The following RASGRF2 variants were observed in gnomAD, a reference collection of about 807,000 sequenced individuals.
The protein encoded by RASGRF2 is ras-specific guanine nucleotide-releasing factor 2.
RASGRF2 carries 76 observed loss-of-function variants against 151.0 expected under a neutral mutation model. The observed-to-expected ratio is 0.50, with a 90% confidence interval of 0.42 to 0.61. RASGRF2 has a LOEUF of 0.61. Among genes scored for constraint, RASGRF2 ranks in the 20% least tolerant of loss-of-function variants. RASGRF2 has a pLI of 0.00. For synonymous variants in RASGRF2, 504 were observed against 566.5 expected, an observed-to-expected ratio of 0.89 and a Z score of 1.57; for missense variants, 1,148 against 1,564.6, an observed-to-expected ratio of 0.73 and a Z score of 4.49.
intron 2 of RASGRF2, among the ~76,000 whole-genome samples, chr5:81,058,775 C>CAAAAAAAAAAAAAAAAAAAAAAAAAAA (rs56875865): frequency 1.4e-5 from 1 of 70,116 alleles, no homozygotes; most frequent in Non-Finnish European, 2.5e-5. Context: ...GGCCCTGTAT[C>CAAAAAAAAAAAAAAAAAAAAAAAAAAA]AAAAAAAAAA....
At chr5:81,114,656 G>C (rs770099966) in intron 15 of RASGRF2, among the ~76,000 whole-genome samples, 1 of 152,118 alleles carries the variant, frequency 6.6e-6, no homozygotes. Flanking sequence ...CTCCTGCCAC[G>C]CTCCCTCATC....
chr5:81,221,116 T>G (rs977543952), intron 26 of RASGRF2, among the ~76,000 whole-genome samples: 2 of 152,204 alleles, frequency 1.3e-5, no homozygotes, highest in African/African-American at 4.8e-5. Flanking sequence ...CAACCTAATT[T>G]CTGACTGTTG....
intron 17 of RASGRF2, among the ~76,000 whole-genome samples, chr5:81,131,633 G>A (rs1753621983): frequency 6.6e-6 from 1 of 151,520 alleles, no homozygotes; most frequent in South Asian, 2.1e-4. Context: ...AGGATTACAG[G>A]TGTGAGCCAC....
intron 15 of RASGRF2, among the ~76,000 whole-genome samples, chr5:81,119,793 T>G (rs1207627752): frequency 6.6e-6 from 1 of 152,248 alleles, no homozygotes; most frequent in Admixed American, 6.5e-5. Context: ...AGAATTAAGT[T>G]GAAGGCTTCA....
rs1216574818 is a variant in RASGRF2 at position 81,182,120 on chromosome 5, G to A, written c.2793+1839G>A. Among the ~76,000 whole-genome samples, 9 of 152,130 alleles carry A rather than the reference G, an allele frequency of 5.9e-5. No homozygotes were observed. In the East Asian group the frequency reaches 1.7e-3, roughly 29 times the overall value. ...AGTGACTGCAGCTGTGCTTATACATGAGCAAGCTTGTCCATCTCCAATTCC... is the reference window on the plus strand; with the variant it reads ...AGTGACTGCAGCTGTGCTTATACATAAGCAAGCTTGTCCATCTCCAATTCC... On this transcript the variant is annotated intron_variant, in intron 18 of 26. Transcript: ENST00000265080.
intron 1 of RASGRF2, among the ~76,000 whole-genome samples, chr5:81,005,424 T>G (rs564366893): frequency 7.2e-5 from 11 of 152,276 alleles, no homozygotes; most frequent in African/African-American, 2.4e-4. Context: ...ATGGCTCCCA[T>G]GATTCCATTA....
intron 2 of RASGRF2, among the ~76,000 whole-genome samples, chr5:81,058,684 T>C (rs139253534): frequency 1.0e-3 from 152 of 148,092 alleles, no homozygotes; most frequent in African/African-American, 3.5e-3. Flanking sequence ...GCACCTGTAG[T>C]CCCAGCTACT....
At chr5:80,994,533 AT>A (rs916574075) in intron 1 of RASGRF2, among the ~76,000 whole-genome samples, 6 of 152,206 alleles carry the variant, frequency 3.9e-5, no homozygotes, top group African/African-American at 1.4e-4. Context: ...GAGGGTAAAA[AT>A]AAAACCTTCA....
In RASGRF2 at chr5:80,961,002, C is replaced by T. The variant is rs779048986; in HGVS notation, c.264C>T (p.Gly88=). 1.3e-6 allele frequency: 2 copies of T among 1,519,222 alleles called. No individual in the cohort carries two copies. Among genetic ancestry groups the T allele is most frequent in the Non-Finnish European group, 1.8e-6 (2 of 1,127,008 alleles). The allele number at this position is 1,519,222 out of a possible 1,614,324, so 94.1% of individuals were successfully genotyped here. A position where few individuals can be genotyped will look rare whatever the true frequency, so the allele number is the denominator to read the frequency against. The change falls in exon 1 of 27, where the codon GGC becomes GGT. Residue 88 remains glycine (G), a synonymous_variant. Coordinates refer to ENST00000265080, the MANE Select transcript of RASGRF2 (RefSeq NM_006909.3). The part of the protein sequence containing the change: ...APPRAGAGQG[G]VRDALDKQYY... ...CCAGGGCCGGCGCCGGGCAGGGAGG[C>T]GTCCGAGACGCGCTGGACAAGCAGG...
At chr5:80,973,143 A>G (rs1028145131) in intron 1 of RASGRF2, among the ~76,000 whole-genome samples, 2 of 152,182 alleles carry the variant, frequency 1.3e-5, no homozygotes, top group African/African-American at 4.8e-5. Context: ...TTTATGTAGA[A>G]AGTGCAGGAA....
At chr5:81,029,722 T>C (rs1408546870) in intron 1 of RASGRF2, among the ~76,000 whole-genome samples, 1 of 152,008 alleles carries the variant, frequency 6.6e-6, no homozygotes, top group Non-Finnish European at 1.5e-5. Flanking sequence ...AAGCTGAAAA[T>C]TATAAAAATC....
intron 1 of RASGRF2, among the ~76,000 whole-genome samples, chr5:80,973,227 C>A (rs752209612): frequency 9.9e-5 from 15 of 152,138 alleles, no homozygotes; most frequent in Non-Finnish European, 1.3e-4. Flanking sequence ...GAAGACCCAA[C>A]CATAGGTGGA....
intron 23 of RASGRF2, among the ~76,000 whole-genome samples, chr5:81,214,533 A>C (rs1413129201): frequency 6.6e-6 from 1 of 152,244 alleles, no homozygotes; most frequent in Non-Finnish European, 1.5e-5. Context: ...GCTGTAGGAC[A>C]GGTTGTACTT....
chr5:80,987,112 G>T (rs1371931914), intron 1 of RASGRF2, among the ~76,000 whole-genome samples: 1 of 152,100 alleles, frequency 6.6e-6, no homozygotes, highest in Admixed American at 6.5e-5. Context: ...TGACCCTCTG[G>T]GAAGTTTGCC....
chr5:81,075,607 G>A (rs1000163497), intron 5 of RASGRF2, among the ~76,000 whole-genome samples: 1 of 152,194 alleles, frequency 6.6e-6, no homozygotes, highest in Non-Finnish European at 1.5e-5. Context: ...AGGTAAGATT[G>A]CAACGTTTTT....
intron 17 of RASGRF2, among the ~76,000 whole-genome samples, chr5:81,138,477 G>A (rs566949156): frequency 6.6e-6 from 1 of 152,264 alleles, no homozygotes; most frequent in African/African-American, 2.4e-5. Flanking sequence ...TTGTAGAGAA[G>A]GCCCTGGGCA....
chr5:81,158,560 C>A (rs1754313231), intron 17 of RASGRF2, among the ~76,000 whole-genome samples: 3 of 151,722 alleles, frequency 2.0e-5, no homozygotes, highest in Admixed American at 1.3e-4. Flanking sequence ...AATCATACAT[C>A]TGATAAGGAA....
chr5:81,165,191 C>A (rs1476566536), intron 17 of RASGRF2, among the ~76,000 whole-genome samples: 1 of 152,088 alleles, frequency 6.6e-6, no homozygotes. Flanking sequence ...CTTGTGGTTA[C>A]GGACCCTGGG....
At chr5:81,061,266 CGTT>C (rs1209159027) in intron 2 of RASGRF2, among the ~76,000 whole-genome samples, 2 of 151,664 alleles carry the variant, frequency 1.3e-5, no homozygotes, top group Non-Finnish European at 2.9e-5. Flanking sequence ...TTTTGTATCT[CGTT>C]GTGCAAGTGT....
Sources: gnomAD v4.1 joint callset for allele counts (sites outside exome capture counted in the v4.1 genomes callset) on GRCh38, gnomAD v4.1.1 for gene constraint, MANE v1.5 for transcripts, NCBI Gene and HGNC (gene_info 2026-07-23, HGNC 2026-07-21) for gene names.